Variants in SPTBN1 observed in about 807,000 individuals in gnomAD.
SPTBN1 encodes spectrin beta, non-erythrocytic 1, also known as spectrin beta chain, non-erythrocytic 1.
SPTBN1 carries 32 observed loss-of-function variants against 266.4 expected under a neutral mutation model. The ratio of observed to expected loss-of-function variants is 0.12; its 90% confidence interval spans 0.09 to 0.16. The LOEUF is 0.16. SPTBN1 is among the 10% of genes least tolerant of loss of function. The pLI is 1.00. For missense variants in SPTBN1, 2,296 were observed against 3,067.1 expected, an observed-to-expected ratio of 0.75 and a Z score of 5.94; for synonymous variants, 1,336 against 1,162.2, an observed-to-expected ratio of 1.15 and a Z score of -3.04.
At chr2:54,462,985 A>G (rs900176981) in intron 1 of SPTBN1, among the ~76,000 whole-genome samples, 5 of 152,222 alleles carry the variant, frequency 3.3e-5, no homozygotes, top group Non-Finnish European at 7.3e-5. Context: ...GTACACTTCT[A>G]AATTCTGTGA....
rs1435138994 is a variant in SPTBN1 at position 54,628,213 on chromosome 2, C to T, written c.1761C>T (p.Val587=). The T allele has an allele frequency of 3.1e-6, 5 of 1,613,864 alleles. No homozygotes were observed. The highest frequency in any genetic ancestry group is 4.2e-6 in the Non-Finnish European group (5 of 1,179,914). ...IGIQAERVRG[V]NASAQKFATD... ...TCCAGGCAGAGCGGGTGAGAGGTGT[C>T]AATGCCTCCGCCCAGAAGTTCGCAA... Residue 587 remains valine, a synonymous_variant, in exon 13 of 36, where the codon GTC becomes GTT. Coordinates refer to ENST00000356805, the MANE Select transcript of SPTBN1 (RefSeq NM_003128.3). This position sits in a 1 kb window ranked among gnomAD's most constrained non-coding sequence, Gnocchi z 4.3.
intron 20 of SPTBN1, among the ~76,000 whole-genome samples, chr2:54,644,864 C>A (rs187987110): frequency 1.3e-5 from 2 of 152,302 alleles, no homozygotes; most frequent in East Asian, 3.9e-4. Flanking sequence ...CACCGTTTAA[C>A]AGTTAAATAA....
At chr2:54,598,549 G>A (rs1676257975) in intron 2 of SPTBN1, among the ~76,000 whole-genome samples, 1 of 152,166 alleles carries the variant, frequency 6.6e-6, no homozygotes, top group East Asian at 1.9e-4. Flanking sequence ...CTTGTCCAGT[G>A]TTGCCCAATC....
At chr2:54,512,835 T>C (rs954970288) in intron 1 of SPTBN1, among the ~76,000 whole-genome samples, 7 of 152,192 alleles carry the variant, frequency 4.6e-5, no homozygotes, top group Non-Finnish European at 1.0e-4. Flanking sequence ...ACCATCTGTG[T>C]TGCATTTCAC....
rs144744653 is a variant in SPTBN1 at position 54,641,777 on chromosome 2, G to A, written c.3859-1206G>A. ...CCAGAGGGCTCCTGTGACCCACGTC[G>A]CTCTCCTTGACATCATTTCCAAAAA... is the stretch of plus-strand genomic sequence containing the variant. On this transcript the variant is annotated intron_variant, in intron 18 of 35. Coordinates refer to ENST00000356805, the MANE Select transcript of SPTBN1 (RefSeq NM_003128.3). Among the ~76,000 whole-genome samples, 358 of 151,400 alleles carry A rather than the reference G, an allele frequency of 2.4e-3. 4 individuals carry two copies. In the South Asian group the frequency reaches 0.036, roughly 15 times the overall value.
chr2:54,526,630 A>G, intron 2 of SPTBN1, 64 bp downstream of exon 2: 13 of 1,555,842 alleles, frequency 8.4e-6, no homozygotes, highest in Non-Finnish European at 1.1e-5. Flanking sequence ...CCTTAAAATC[A>G]TCCACCCTGT....
intron 1 of SPTBN1, among the ~76,000 whole-genome samples, chr2:54,519,960 T>C (rs1018977198): frequency 2.0e-5 from 3 of 152,066 alleles, no homozygotes; most frequent in Admixed American, 1.3e-4. Context: ...GTGGAGGAGA[T>C]GCAGGGCGTA....
At chr2:54,528,352 G>A (rs916353184) in intron 2 of SPTBN1, 3 of 152,554 alleles carry the variant, frequency 2.0e-5, no homozygotes, top group Non-Finnish European at 2.9e-5. Context: ...TTTGCATGTG[G>A]TCTTTCCTAC....
intron 1 of SPTBN1, among the ~76,000 whole-genome samples, chr2:54,525,251 AT>A (rs533893721): frequency 3.3e-4 from 49 of 147,204 alleles, no homozygotes; most frequent in East Asian, 1.2e-3. Flanking sequence ...TTACATCTTA[AT>A]TTTTTTTTTT....
intron 2 of SPTBN1, among the ~76,000 whole-genome samples, chr2:54,598,584 T>G (rs1046640035): frequency 6.6e-6 from 1 of 152,216 alleles, no homozygotes; most frequent in Admixed American, 6.5e-5. Flanking sequence ...GAAGCAGTTT[T>G]CTGCTGTCTC....
chr2:54,471,591 G>A (rs1284183730), intron 1 of SPTBN1, among the ~76,000 whole-genome samples: 1 of 151,966 alleles, frequency 6.6e-6, no homozygotes, highest in Non-Finnish European at 1.5e-5. Context: ...TAAGTGGGAC[G>A]TGATTCCAGC....
intron 1 of SPTBN1, among the ~76,000 whole-genome samples, chr2:54,507,584 A>C (rs967711682): frequency 6.6e-6 from 1 of 152,208 alleles, no homozygotes; most frequent in Admixed American, 6.5e-5. Context: ...GGAAGACACA[A>C]GGTCTGAATA....
intron 7 of SPTBN1, among the ~76,000 whole-genome samples, chr2:54,619,522 G>A (rs947450840): frequency 2.0e-5 from 3 of 152,164 alleles, no homozygotes; most frequent in Admixed American, 2.0e-4. Flanking sequence ...ATCACAAGAC[G>A]AGGAGCTAAA....
At chr2:54,460,581 G>T (rs1327109552) in intron 1 of SPTBN1, among the ~76,000 whole-genome samples, 2 of 152,126 alleles carry the variant, frequency 1.3e-5, no homozygotes, top group Non-Finnish European at 2.9e-5. Flanking sequence ...CTCTGCTCTG[G>T]CATCTTGATG....
In SPTBN1 at chr2:54,664,471, A is replaced by T; in HGVS notation, c.6439A>T (p.Thr2147Ser). The change falls in exon 33 of 36, where the codon ACA becomes TCA. Residue 2147 changes from threonine (T) to serine (S), a missense_variant. Transcript: ENST00000356805. This position sits in a 1 kb window ranked among gnomAD's most constrained non-coding sequence, Gnocchi z 5.6. The stretch of plus-strand genomic sequence containing the variant: ...TCCCTAGATGGCAGAAACGGTGGAC[A>T]CAAGCGAAATGGTCAACGGCGCTAC... ...GSPRMAETVD[T>S]SEMVNGATEQ... 10 of 1,612,548 alleles carry T rather than the reference A, an allele frequency of 6.2e-6. No homozygotes were observed. Among genetic ancestry groups the T allele is most frequent in the Non-Finnish European group, 8.5e-6 (10 of 1,178,654 alleles).
In SPTBN1 at chr2:54,618,277, G is replaced by C. The variant is rs368828316; in HGVS notation, c.763+84G>C. On this transcript the variant is annotated intron_variant, in intron 7 of 35. Transcript: ENST00000356805. ...TGTAAAATCTGTTTTGTGTCAGTCT[G>C]TTTCATTTGGGAGTTATCAAAGGAA... The C allele has an allele frequency of 5.1e-5, 60 of 1,177,456 alleles. No individual in the cohort carries two copies. In the African/African-American group the frequency reaches 8.8e-4, roughly 17 times the overall value. The allele number at this position is 1,177,456 out of a possible 1,614,324, so 72.9% of individuals were successfully genotyped here.
chr2:54,466,400 A>AGTTTTAGG (rs1693633295), intron 1 of SPTBN1, among the ~76,000 whole-genome samples: 2 of 26,030 alleles, frequency 7.7e-5, no homozygotes, highest in African/African-American at 6.6e-4. Context: ...GTCTCTACTA[A>AGTTTTAGG]AAATACAAAA....
chr2:54,639,011 T>C (rs1036998299), intron 18 of SPTBN1, among the ~76,000 whole-genome samples: 26 of 152,202 alleles, frequency 1.7e-4, no homozygotes, highest in African/African-American at 6.3e-4. Context: ...GCCCCTAAAC[T>C]ATGAAGCTTA....
rs73934494 is a variant in SPTBN1, at chr2:54,593,746, C to T, written c.149-5346C>T. ...GAGAGTTACCCAATAATGCAGCAGA[C>T]CCTTTACAAAATAAGGACTTGCGTT... On this transcript the variant is annotated intron_variant, in intron 2 of 35. Coordinates refer to ENST00000356805, the MANE Select transcript of SPTBN1 (RefSeq NM_003128.3). Among the ~76,000 whole-genome samples, 191 of 150,440 alleles carry T rather than the reference C, an allele frequency of 1.3e-3. 6 individuals are homozygous for T. The South Asian group carries it at 0.037, about 30-fold the overall frequency.
Sources: gnomAD v4.1 joint callset for allele counts (sites outside exome capture counted in the v4.1 genomes callset) on GRCh38, gnomAD v4.1.1 for gene constraint, Gnocchi (gnomAD v3.1) non-coding constraint, MANE v1.5 for transcripts, NCBI Gene and HGNC (gene_info 2026-07-23, HGNC 2026-07-21) for gene names.